The following P2RX7 variants were observed in gnomAD, a reference collection of about 807,000 sequenced individuals.
The protein encoded by P2RX7 is purinergic receptor P2X 7.
Under a neutral mutation model 71.6 loss-of-function variants are expected in P2RX7, and 62 were observed. The observed-to-expected ratio is 0.87, with a 90% CI of 0.71 to 1.07. P2RX7 has a LOEUF of 1.07. P2RX7 is among the 50% of genes least tolerant of loss of function. The probability of loss-of-function intolerance (pLI) is 0.00; values close to 1 mark genes in which losing one functional copy is unlikely to be tolerated. For synonymous variants in P2RX7, 299 were observed against 283.3 expected (o/e 1.06, Z -0.56); for missense variants, 686 against 748.5 (o/e 0.92, Z 0.97).
intron 1 of P2RX7, among the ~76,000 whole-genome samples, chr12:121,136,023 A>T (rs369942470): frequency 0.2 from 3,077 of 15,100 alleles, 544 homozygotes; most frequent in African/African-American, 0.29. Context: ...AAAAAAAAAA[A>T]ATATATATAT....
At chr12:121,170,905 A>G (rs1882052522) in intron 8 of P2RX7, among the ~76,000 whole-genome samples, 1 of 152,222 alleles carries the variant, frequency 6.6e-6, no homozygotes, top group South Asian at 2.1e-4. Flanking sequence ...ATAACTTTCT[A>G]AAACATAGGA....
At chr12:121,172,626 G>C (rs922945744) in intron 8 of P2RX7, among the ~76,000 whole-genome samples, 20 of 151,926 alleles carry the variant, frequency 1.3e-4, no homozygotes, top group African/African-American at 3.9e-4. Flanking sequence ...GCCAGATCCT[G>C]TCTCAAAAAA....
intron 12 of P2RX7, 118 bp downstream of exon 12, chr12:121,180,573 A>C: frequency 1.9e-6 from 1 of 536,400 alleles, no homozygotes; most frequent in Non-Finnish European, 3.3e-6. Context: ...AAACATACTC[A>C]TATAACCGGC....
At chr12:121,133,120 A>C (rs773639680) in intron 1 of P2RX7, 25 bp downstream of exon 1, 2 of 1,613,664 alleles carry the variant, frequency 1.2e-6, no homozygotes, top group Admixed American at 3.3e-5. Context: ...GGGAGGACCC[A>C]GATCTCTGCA....
At chr12:121,163,591 AGACAGGTAGATAGATAGATAGATAG>A (rs1880316216) in intron 5 of P2RX7, among the ~76,000 whole-genome samples, 1 of 67,420 alleles carries the variant, frequency 1.5e-5, no homozygotes, top group African/African-American at 5.8e-5. Flanking sequence ...ATAGATAGAT[AGACAGGTAGATAGATAGATAGATAG>A]ATAGATAGAT....
chr12:121,172,643 A>C lies in P2RX7; in HGVS notation c.882-2745A>C, dbSNP rs1227838348. Among the ~76,000 whole-genome samples the C allele has an allele frequency of 3.3e-5, 5 of 150,840 alleles. No homozygotes were observed. In the East Asian group the frequency reaches 9.7e-4, roughly 29 times the overall value. On this transcript the variant is annotated intron_variant, in intron 8 of 12. Coordinates refer to ENST00000328963, the MANE Select transcript of P2RX7 (RefSeq NM_002562.6). ...CAGATCCTGTCTCAAAAAAAACAAAAACAAACAACAACAACAAAGATAAAT... is the reference window on the plus strand; with the variant it reads ...CAGATCCTGTCTCAAAAAAAACAAACACAAACAACAACAACAAAGATAAAT...
chr12:121,168,023 A>G (rs2686372), intron 8 of P2RX7, among the ~76,000 whole-genome samples: 5,729 of 151,996 alleles, frequency 0.038, 152 homozygotes, highest in South Asian at 0.12. Flanking sequence ...GATCAAAATC[A>G]CCCATAATTC....
Position 121,165,450 on chromosome 12 carries a change from G to A in P2RX7, c.614+13G>A, listed in dbSNP as rs746307034. 6.2e-7 allele frequency: 1 copy of A among 1,606,218 alleles called. No individual in the cohort carries two copies. Among genetic ancestry groups the A allele is most frequent in the Non-Finnish European group, 8.5e-7 (1 of 1,172,854 alleles). ...ACAACTACACCACGTAAGTGCCCAG[G>A]CTGCCTGGCTGTCTTAGTTATCTAC... On this transcript the variant is annotated intron_variant, in intron 6 of 12. Transcript: ENST00000328963.
In P2RX7 at chr12:121,149,800, G is replaced by T. The variant is rs914499814; in HGVS notation, c.126-4985G>T. Among the ~76,000 whole-genome samples the T allele has an allele frequency of 1.3e-5, 2 of 151,958 alleles. No homozygotes were observed. The highest frequency in any genetic ancestry group is 4.8e-5 in the African/African-American group (2 of 41,348). On this transcript the variant is annotated intron_variant, in intron 1 of 12. Transcript: ENST00000328963. This position sits in a 1 kb window ranked among gnomAD's most constrained non-coding sequence, Gnocchi z 4.7. ...GCCCAGGCTTGTCTTGAACTCCTGGGCTCAAGGGATCCTCCTACCTCGGTC... is the reference window on the plus strand; with the variant it reads ...GCCCAGGCTTGTCTTGAACTCCTGGTCTCAAGGGATCCTCCTACCTCGGTC...
chr12:121,155,177 C>A, intron 2 of P2RX7: 1 of 1,491,258 alleles, frequency 6.7e-7, no homozygotes, highest in South Asian at 1.2e-5. Flanking sequence ...TCAAAATAGC[C>A]TCATGTCCTG....
chr12:121,160,934 C>T lies in P2RX7; in HGVS notation c.396C>T (p.Asp132=). 6.2e-7 allele frequency: 1 copy of T among 1,614,080 alleles called. No individual in the cohort carries two copies. The highest frequency in any genetic ancestry group is 8.5e-7 in the Non-Finnish European group (1 of 1,179,940). The change falls in exon 4 of 13, where the codon GAC becomes GAT. Residue 132 remains aspartate, a synonymous_variant. Coordinates refer to ENST00000328963, the MANE Select transcript of P2RX7 (RefSeq NM_002562.6). ...CCCGCAGGACGCTCTGTTCCTCTGA[C>T]CGAGGTTGTAAAAAGGGATGGATGG... The part of the protein sequence containing the change: ...YPTRRTLCSS[D]RGCKKGWMDP...
chr12:121,165,986 A>C, intron 6 of P2RX7, 72 bp from the exon 7 acceptor site: 1 of 1,499,178 alleles, frequency 6.7e-7, no homozygotes, highest in Non-Finnish European at 9.1e-7. Flanking sequence ...ACACTGGCTC[A>C]CTCCTGGGAA....
At chr12:121,134,235 A>G (rs917460476) in intron 1 of P2RX7, among the ~76,000 whole-genome samples, 2 of 152,178 alleles carry the variant, frequency 1.3e-5, no homozygotes, top group South Asian at 4.1e-4. Flanking sequence ...TTGCTAGGTC[A>G]TATGTTAACT....
chr12:121,183,789 G>A (rs1884532567), intron 12 of P2RX7, among the ~76,000 whole-genome samples: 1 of 152,090 alleles, frequency 6.6e-6, no homozygotes, highest in South Asian at 2.1e-4. Flanking sequence ...TAGGCCAGGT[G>A]CAGTGGCTCA....
At chr12:121,182,864 T>G (rs1884351170) in intron 12 of P2RX7, among the ~76,000 whole-genome samples, 1 of 152,244 alleles carries the variant, frequency 6.6e-6, no homozygotes, top group Non-Finnish European at 1.5e-5. Flanking sequence ...TTTTTTAAAC[T>G]CTGTACAGTG....
rs1884739633 is a variant in P2RX7, at chr12:121,185,012, G to A, written c.*210G>A. 9.5e-6 allele frequency: 5 copies of A among 523,586 alleles called. No individual in the cohort carries two copies. In the East Asian group the frequency reaches 1.3e-4, roughly 14 times the overall value. The allele number at this position is 523,586 out of a possible 1,614,324, so 32.4% of individuals were successfully genotyped here. A position where few individuals can be genotyped will look rare whatever the true frequency, so the allele number is the denominator to read the frequency against. On this transcript the variant is annotated 3_prime_UTR_variant, in exon 13 of 13. Transcript: ENST00000328963. ...AGGCACAAGAATCACTTGAACCCGG[G>A]AGGCAGAGGTTGTAGTGAGCCCAGA...
Position 121,162,473 on chromosome 12 carries a change from T to G in P2RX7, c.486T>G (p.Cys162Trp). 6.2e-7 allele frequency: 1 copy of G among 1,613,878 alleles called. No homozygotes were observed. The highest frequency in any genetic ancestry group is 8.5e-7 in the Non-Finnish European group (1 of 1,179,986). The stretch of plus-strand genomic sequence containing the variant: ...TGTATGAAGGGAACCAGAAGACCTG[T>G]GAAGTCTCTGCCTGGTGCCCCATCG... Reference protein sequence around the residue: ...CVVYEGNQKTCEVSAWCPIEA... With the variant: ...CVVYEGNQKTWEVSAWCPIEA... The change falls in exon 5 of 13, where the codon TGT (cysteine) becomes TGG (tryptophan). Residue 162 changes from cysteine (C) to tryptophan (W), a missense_variant. Transcript: ENST00000328963.
chr12:121,161,983 G>T (rs139776227), intron 4 of P2RX7, among the ~76,000 whole-genome samples: 24 of 151,980 alleles, frequency 1.6e-4, no homozygotes, highest in Admixed American at 1.4e-3. Flanking sequence ...ATTCTCCCTT[G>T]GAAACTGATT....
In P2RX7 at chr12:121,154,947, T is replaced by C; in HGVS notation, c.288T>C (p.Pro96=). ...SVFDTADYTF[P]LQGNSFFVMT... ...TTGACACCGCAGACTACACCTTCCCTTTGCAGGTGAGCACCTCGTAGCATT... is the reference window on the plus strand; with the variant it reads ...TTGACACCGCAGACTACACCTTCCCCTTGCAGGTGAGCACCTCGTAGCATT... The change falls in exon 2 of 13, where the codon CCT becomes CCC. Residue 96 remains proline, a synonymous_variant. Coordinates refer to ENST00000328963, the MANE Select transcript of P2RX7 (RefSeq NM_002562.6). This position sits in a 1 kb window ranked among gnomAD's most constrained non-coding sequence, Gnocchi z 4.2. 2 of 1,614,138 alleles carry C rather than the reference T, an allele frequency of 1.2e-6. No individual in the cohort carries two copies. Among genetic ancestry groups the C allele is most frequent in the Non-Finnish European group, 1.7e-6 (2 of 1,179,980 alleles).
Sources: allele counts gnomAD v4.1 joint callset (sites outside exome capture counted in the v4.1 genomes callset), GRCh38; gene constraint gnomAD v4.1.1; non-coding constraint Gnocchi (gnomAD v3.1); transcripts MANE v1.5; gene names NCBI Gene and HGNC (gene_info 2026-07-23, HGNC 2026-07-21).